Variants in ADGRB3 observed in about 807,000 individuals in gnomAD.
ADGRB3 encodes the protein brain-specific angiogenesis inhibitor 3.
In ADGRB3, 37 loss-of-function variants were observed where a neutral mutation model predicts 193.4. That is an observed-to-expected ratio of 0.19 (90% confidence interval 0.15 to 0.25). ADGRB3 has a LOEUF of 0.25. ADGRB3 is among the 10% of genes least tolerant of loss of function. ADGRB3 has a pLI of 1.00. For synonymous variants in ADGRB3, 690 were observed against 644.2 expected (o/e 1.07, Z -1.08); for missense variants, 1,637 against 1,852.9 (o/e 0.88, Z 2.14).
chr6:68,733,174 A>G (rs535423470), intron 3 of ADGRB3, among the ~76,000 whole-genome samples: 5 of 151,162 alleles, frequency 3.3e-5, no homozygotes, highest in South Asian at 2.1e-4. Context: ...CTGTATTTGT[A>G]TATTTATTAC....
chr6:69,218,255 C>T (rs1239570555), intron 17 of ADGRB3, among the ~76,000 whole-genome samples: 1 of 152,088 alleles, frequency 6.6e-6, no homozygotes, highest in African/African-American at 2.4e-5. Flanking sequence ...AAAGGAGCTA[C>T]TCACATTTTA....
At chr6:69,183,031 A>T (rs1764966747) in intron 17 of ADGRB3, among the ~76,000 whole-genome samples, 1 of 152,156 alleles carries the variant, frequency 6.6e-6, no homozygotes, top group African/African-American at 2.4e-5. Context: ...CTACTGTCAC[A>T]TGGATGTTAC....
chr6:69,173,403 A>G (rs1040554109), intron 17 of ADGRB3, among the ~76,000 whole-genome samples: 1 of 152,162 alleles, frequency 6.6e-6, no homozygotes, highest in Non-Finnish European at 1.5e-5. Flanking sequence ...TCTTTTTTAA[A>G]CAGAAGAAAA....
chr6:69,118,697 T>C (rs1459091653), intron 17 of ADGRB3, among the ~76,000 whole-genome samples: 1 of 150,968 alleles, frequency 6.6e-6, no homozygotes, highest in Non-Finnish European at 1.5e-5. Context: ...GTCCCAGATG[T>C]TCTCAATATC....
intron 3 of ADGRB3, among the ~76,000 whole-genome samples, chr6:68,862,307 A>G (rs1307024140): frequency 6.6e-6 from 1 of 152,152 alleles, no homozygotes; most frequent in East Asian, 1.9e-4. Flanking sequence ...TCTTCATAAA[A>G]TCTGTCTATG....
chr6:68,985,123 A>G (rs1769032792), intron 10 of ADGRB3, among the ~76,000 whole-genome samples: 1 of 152,098 alleles, frequency 6.6e-6, no homozygotes, highest in African/African-American at 2.4e-5. Context: ...TTTAGTTATG[A>G]TTTTTCTCCA....
At position 69,106,329 on chromosome 6, in the gene ADGRB3, G is replaced by T. The variant is rs192872015; in HGVS notation, c.2480+30291G>T. Among the ~76,000 whole-genome samples, 5 of 152,146 alleles carry T rather than the reference G, an allele frequency of 3.3e-5. No individual in the cohort carries two copies. The East Asian group carries it at 9.7e-4, about 29-fold the overall frequency. ...TGTCCATTCCAACCATGCATTTCCA[G>T]GCATATGCTTGTAAAGGAGTACAAG... On this transcript the variant is annotated intron_variant, in intron 17 of 31. Coordinates refer to ENST00000370598, the MANE Select transcript of ADGRB3 (RefSeq NM_001704.3).
intron 13 of ADGRB3, among the ~76,000 whole-genome samples, chr6:69,041,032 G>A (rs1405944622): frequency 6.6e-6 from 1 of 152,168 alleles, no homozygotes; most frequent in Non-Finnish European, 1.5e-5. Flanking sequence ...ATGTAATGGT[G>A]ATGGTGGAGA....
At chr6:69,128,867 A>G (rs1049346829) in intron 17 of ADGRB3, among the ~76,000 whole-genome samples, 1 of 152,202 alleles carries the variant, frequency 6.6e-6, no homozygotes, top group African/African-American at 2.4e-5. Flanking sequence ...CTAAGGATCA[A>G]CTTAGATATA....
At chr6:69,259,695 C>CAAAA (rs397887907) in intron 20 of ADGRB3, among the ~76,000 whole-genome samples, 18 of 76,128 alleles carry the variant, frequency 2.4e-4, no homozygotes, top group Non-Finnish European at 2.8e-4. Flanking sequence ...GACTCTGTCT[C>CAAAA]AAAAAAAAAA....
At chr6:68,892,743 A>G (rs1411245097) in intron 3 of ADGRB3, among the ~76,000 whole-genome samples, 1 of 152,182 alleles carries the variant, frequency 6.6e-6, no homozygotes, top group Non-Finnish European at 1.5e-5. Context: ...TGTTGTTATC[A>G]GTATATTTCG....
At chr6:68,723,953 A>G (rs1765629085) in intron 3 of ADGRB3, among the ~76,000 whole-genome samples, 1 of 151,696 alleles carries the variant, frequency 6.6e-6, no homozygotes, top group South Asian at 2.1e-4. Flanking sequence ...TAATTATTTT[A>G]CAATGCACAG....
intron 15 of ADGRB3, among the ~76,000 whole-genome samples, chr6:69,049,709 AC>A (rs1771338323): frequency 6.6e-6 from 1 of 152,164 alleles, no homozygotes; most frequent in South Asian, 2.1e-4. Flanking sequence ...CTGTTCATCA[AC>A]ATGACGTGAA....
chr6:69,079,668 G>A (rs1015036345), intron 17 of ADGRB3, among the ~76,000 whole-genome samples: 3 of 151,990 alleles, frequency 2.0e-5, no homozygotes, highest in Non-Finnish European at 2.9e-5. Context: ...GTTATCATTT[G>A]AGTGATTGGT....
intron 17 of ADGRB3, among the ~76,000 whole-genome samples, chr6:69,181,095 G>A (rs2150351414): frequency 6.6e-6 from 1 of 152,100 alleles, no homozygotes; most frequent in South Asian, 2.1e-4. Context: ...CACATACTGG[G>A]GCTTCACTCA....
At chr6:68,839,060 CCTCTCT>C in intron 3 of ADGRB3, among the ~76,000 whole-genome samples, 1 of 148,336 alleles carries the variant, frequency 6.7e-6, no homozygotes, top group South Asian at 2.1e-4. Context: ...TCTCTTCCTT[CCTCTCT>C]CTCTGTCTCT....
chr6:69,018,042 C>A (rs1298982719), intron 12 of ADGRB3, among the ~76,000 whole-genome samples: 2 of 151,768 alleles, frequency 1.3e-5, no homozygotes, highest in Non-Finnish European at 2.9e-5. Flanking sequence ...CCAAGCTAAA[C>A]ATGTAAAGAG....
chr6:69,330,608 GA>G (rs374715480), intron 23 of ADGRB3, 36 bp downstream of exon 23: 64,813 of 1,069,314 alleles, frequency 0.061, 5 homozygotes, highest in South Asian at 0.09. Context: ...GTTTTCTTAG[GA>G]AAAAAAAAAA....
At chr6:68,739,707 C>A (rs1765940384) in intron 3 of ADGRB3, among the ~76,000 whole-genome samples, 1 of 152,048 alleles carries the variant, frequency 6.6e-6, no homozygotes, top group South Asian at 2.1e-4. Flanking sequence ...GAGAGTTAAT[C>A]TGATTTATTT....
Sources: allele counts gnomAD v4.1 joint callset (sites outside exome capture counted in the v4.1 genomes callset), GRCh38; gene constraint gnomAD v4.1.1; transcripts MANE v1.5; gene names NCBI Gene and HGNC (gene_info 2026-07-23, HGNC 2026-07-21).